Variants in TXLNB observed in about 807,000 individuals in gnomAD.
TXLNB encodes the protein beta-taxilin.
A neutral mutation model predicts 57.4 loss-of-function variants in TXLNB; 37 were observed. The ratio of observed to expected loss-of-function variants is 0.64; its 90% confidence interval spans 0.50 to 0.85. TXLNB has a LOEUF of 0.85. TXLNB is among the 40% of genes least tolerant of loss of function. The pLI, the probability that TXLNB is intolerant of heterozygous loss-of-function variation, is 0.00. For synonymous variants in TXLNB, 302 were observed against 309.6 expected, an observed-to-expected ratio of 0.98 and a Z score of 0.26; for missense variants, 848 against 825.6, an observed-to-expected ratio of 1.03 and a Z score of -0.33.
chr6:139,243,157 TC>T lies in TXLNB; in HGVS notation c.1423del (p.Asp475MetfsTer26). 6.2e-7 allele frequency: 1 copy of T among 1,614,222 alleles called. No individual in the cohort carries two copies. Among genetic ancestry groups the T allele is most frequent in the Non-Finnish European group, 8.5e-7 (1 of 1,180,042 alleles). ...AGAGACGTTTGACTCTGGCTCTTCA[TC>T]GGAGTTGTGCTGACTTTGGTCATCC... ...EKDDQSQHNS[D>X]EEPESNVSVD... On this transcript the variant is annotated frameshift_variant, in exon 10 of 10. Coordinates refer to ENST00000358430, the MANE Select transcript of TXLNB (RefSeq NM_153235.4). LOFTEE classifies it low-confidence loss of function (END_TRUNC).
At chr6:139,290,663 A>T (rs573290511) in intron 1 of TXLNB, among the ~76,000 whole-genome samples, 1 of 152,290 alleles carries the variant, frequency 6.6e-6, no homozygotes, top group Admixed American at 6.5e-5. Flanking sequence ...AGGGTTTCTG[A>T]CTATTACCAC....
At chr6:139,278,876 T>C (rs551364635) in intron 2 of TXLNB, among the ~76,000 whole-genome samples, 13 of 152,170 alleles carry the variant, frequency 8.5e-5, no homozygotes, top group Non-Finnish European at 1.8e-4. Flanking sequence ...TGGTGGTACA[T>C]GCCTGTAGTC....
At chr6:139,316,350 TC>T in the TXLNB span, among the ~76,000 whole-genome samples, 4,550 of 152,266 alleles carry the variant, frequency 0.03, 234 homozygotes, top group African/African-American at 0.1. Context: ...TTCTTATCCC[TC>T]CCCTCCCACC....
chr6:139,280,695 G>A (rs1258245957), intron 2 of TXLNB, among the ~76,000 whole-genome samples: 2 of 151,952 alleles, frequency 1.3e-5, no homozygotes, highest in Non-Finnish European at 2.9e-5. Context: ...TTAGAACTTT[G>A]GGGTTAAATT....
the TXLNB span, among the ~76,000 whole-genome samples, chr6:139,232,559 T>C: frequency 6.6e-6 from 1 of 152,238 alleles, no homozygotes; most frequent in Admixed American, 6.5e-5. Context: ...CTGAATACTT[T>C]ATGGCTTGTT....
chr6:139,314,926 C>G, the TXLNB span, among the ~76,000 whole-genome samples: 1 of 152,292 alleles, frequency 6.6e-6, no homozygotes, highest in South Asian at 2.1e-4. Context: ...CCCCTTCTTG[C>G]CTGGGGTCCA....
rs1339150609 is a variant in TXLNB, at chr6:139,240,167, A to C, written c.*2359T>G. ...AAAGTAGATGGCATTTCTAAAAAAT[A>C]GTTACATACACTTGATAAAGAACAG... is the stretch of plus-strand genomic sequence containing the variant. On this transcript the variant is annotated 3_prime_UTR_variant, in exon 10 of 10. Coordinates refer to ENST00000358430, the MANE Select transcript of TXLNB (RefSeq NM_153235.4). 6.6e-6 allele frequency: 1 copy of C among 152,654 alleles called. No homozygotes were observed. Among genetic ancestry groups the C allele is most frequent in the African/African-American group, 2.4e-5 (1 of 41,454 alleles). The allele number at this position is 152,654 out of a possible 1,614,324, so 9.5% of individuals were successfully genotyped here.
the TXLNB span, among the ~76,000 whole-genome samples, chr6:139,186,506 G>A: frequency 1.3e-5 from 2 of 152,154 alleles, no homozygotes; most frequent in Non-Finnish European, 2.9e-5. Flanking sequence ...ATCAAGTGCT[G>A]GCAAAGATAT....
At chr6:139,205,936 G>A in the TXLNB span, among the ~76,000 whole-genome samples, 6 of 152,202 alleles carry the variant, frequency 3.9e-5, no homozygotes, top group African/African-American at 1.4e-4. Context: ...AAAGCATCAG[G>A]TAACGTATAA....
the TXLNB span, among the ~76,000 whole-genome samples, chr6:139,322,116 G>A: frequency 6.6e-6 from 1 of 152,076 alleles, no homozygotes; most frequent in African/African-American, 2.4e-5. Flanking sequence ...TGCGACTACA[G>A]GTGCACCACC....
the TXLNB span, among the ~76,000 whole-genome samples, chr6:139,301,399 T>A: frequency 0.036 from 5,491 of 152,284 alleles, 178 homozygotes; most frequent in East Asian, 0.16. Flanking sequence ...TAATAATACC[T>A]GCTACTGGTG....
chr6:139,262,926 A>G (rs1776523478), intron 4 of TXLNB, among the ~76,000 whole-genome samples, 153 bp from the exon 5 acceptor site: 1 of 152,224 alleles, frequency 6.6e-6, no homozygotes, highest in Non-Finnish European at 1.5e-5. Context: ...AAATAAATGT[A>G]TGAGTAAAGG....
chr6:139,277,217 C>A, intron 2 of TXLNB: 1 of 261,098 alleles, frequency 3.8e-6, no homozygotes, highest in Non-Finnish European at 7.1e-6. Context: ...TATTTCTCCT[C>A]CCTGTATTCT....
Position 139,244,583 on chromosome 6 carries a change from A to G in TXLNB, c.1266+12T>C. 1 of 1,592,370 alleles carries G rather than the reference A, an allele frequency of 6.3e-7. No individual in the cohort carries two copies. The highest frequency in any genetic ancestry group is 8.6e-7 in the Non-Finnish European group (1 of 1,160,354). Reference sequence around the variant, plus strand: ...ACAGAGGGGATTAAAGCTAAGGGAGAAACTTCCTCACCTCTTCAATCATGT... The same window carrying G: ...ACAGAGGGGATTAAAGCTAAGGGAGGAACTTCCTCACCTCTTCAATCATGT... On this transcript the variant is annotated intron_variant, in intron 9 of 9. Transcript: ENST00000358430.
chr6:139,298,255 C>T, the TXLNB span, among the ~76,000 whole-genome samples: 1 of 152,164 alleles, frequency 6.6e-6, no homozygotes, highest in Non-Finnish European at 1.5e-5. Context: ...CAAAGAGCCC[C>T]ACCTCTTAAG....
the TXLNB span, chr6:139,166,859 G>T: frequency 1.2e-6 from 2 of 1,613,912 alleles, no homozygotes; most frequent in African/African-American, 1.3e-5. Context: ...CCTCTCTCCT[G>T]CCCACTTCAG....
At chr6:139,301,040 C>T in the TXLNB span, among the ~76,000 whole-genome samples, 4 of 152,174 alleles carry the variant, frequency 2.6e-5, no homozygotes, top group African/African-American at 9.7e-5. Context: ...GTTAGGAGCC[C>T]AAACTGTAGA....
chr6:139,307,428 A>T, the TXLNB span, among the ~76,000 whole-genome samples: 1 of 152,122 alleles, frequency 6.6e-6, no homozygotes, highest in South Asian at 2.1e-4. Context: ...GCCTCAAGTG[A>T]TCCTCCTTCC....
the TXLNB span, chr6:139,176,853 T>TGG: frequency 2.8e-5 from 21 of 755,208 alleles, no homozygotes; most frequent in Admixed American, 4.3e-4. The surrounding 1 kb of genome is among the most constrained non-coding windows in gnomAD (Gnocchi z 4.5). Flanking sequence ...AAGCCCTTGA[T>TGG]CAGTTTCCCA....
Sources: allele counts gnomAD v4.1 joint callset (sites outside exome capture counted in the v4.1 genomes callset), GRCh38; gene constraint gnomAD v4.1.1; non-coding constraint Gnocchi (gnomAD v3.1); transcripts MANE v1.5; gene names NCBI Gene and HGNC (gene_info 2026-07-23, HGNC 2026-07-21).